GOLM2: variants seen among roughly 807,000 people sequenced by gnomAD.
GOLM2 encodes protein GOLM2.
In GOLM2, 26 loss-of-function variants were observed where a neutral mutation model predicts 55.9. The observed-to-expected ratio is 0.47, with a 90% confidence interval of 0.34 to 0.65. The LOEUF is 0.65. GOLM2 is among the 30% of genes least tolerant of loss of function. The pLI, the probability that GOLM2 is intolerant of heterozygous loss-of-function variation, is 0.01. For missense variants in GOLM2, 486 were observed against 531.8 expected, an observed-to-expected ratio of 0.91 and a Z score of 0.85; for synonymous variants, 165 against 194.6, an observed-to-expected ratio of 0.85 and a Z score of 1.27.
At chr15:44,299,845 C>T (rs1426797329) in intron 1 of GOLM2, among the ~76,000 whole-genome samples, 1 of 148,172 alleles carries the variant, frequency 6.7e-6, no homozygotes, top group African/African-American at 2.5e-5. Context: ...GTGGCTCATG[C>T]CTATAATCCC....
intron 6 of GOLM2, among the ~76,000 whole-genome samples, chr15:44,375,211 G>A (rs903513327): frequency 1.3e-5 from 2 of 151,932 alleles, no homozygotes; most frequent in Non-Finnish European, 2.9e-5. Context: ...AGTAGAGACG[G>A]GGTTTCGCCA....
intron 4 of GOLM2, 24 bp from the exon 5 acceptor site, chr15:44,337,739 T>A (rs2079066489): frequency 1.3e-6 from 2 of 1,541,770 alleles, no homozygotes; most frequent in Non-Finnish European, 1.7e-6. Flanking sequence ...CTGAAAAATA[T>A]TATTACCAAA....
At chr15:44,352,387 C>G (rs1482059548) in intron 6 of GOLM2, among the ~76,000 whole-genome samples, 2 of 152,130 alleles carry the variant, frequency 1.3e-5, no homozygotes, top group Non-Finnish European at 2.9e-5. Flanking sequence ...TCGAAACTAG[C>G]TCCCTGTCTC....
intron 8 of GOLM2, among the ~76,000 whole-genome samples, chr15:44,401,430 A>T (rs904052783): frequency 6.6e-6 from 1 of 151,936 alleles, no homozygotes; most frequent in Non-Finnish European, 1.5e-5. Context: ...ATACCCAGCT[A>T]ATTTTTGTAT....
intron 8 of GOLM2, chr15:44,387,245 C>T (rs765785045): frequency 6.6e-6 from 1 of 151,204 alleles, no homozygotes; most frequent in Non-Finnish European, 1.5e-5. Context: ...GAGAGCACTG[C>T]CATCTTAACA....
At chr15:44,362,482 C>T (rs1469217905) in intron 6 of GOLM2, among the ~76,000 whole-genome samples, 1 of 151,336 alleles carries the variant, frequency 6.6e-6, no homozygotes, top group South Asian at 2.1e-4. Context: ...ATCCAACTTA[C>T]AAGGGACGTG....
chr15:44,381,367 A>T lies in GOLM2; in HGVS notation c.1072+391A>T, dbSNP rs1456840482. On this transcript the variant is annotated intron_variant, in intron 8 of 9. Transcript: ENST00000299957. ...TGAAAAATGGAACATTCTGGGAGAA[A>T]CATACACTCTGGGGGATTGCCTTAG... 2.0e-5 allele frequency among the ~76,000 whole-genome samples: 3 copies of T among 152,338 alleles called. No homozygotes were observed. In the East Asian group the frequency reaches 5.8e-4, roughly 29 times the overall value.
rs1411189846 is a variant in GOLM2, at chr15:44,365,686, T to TAG, written c.803-13993_803-13992dup. Reference sequence around the variant, plus strand: ...AATTAGTAGTTGCAAGGGGATGGGGTAGAGAGAGAGAGGATGAATAGGCAG... The same window carrying TAG: ...AATTAGTAGTTGCAAGGGGATGGGGTAGAGAGAGAGAGAGGATGAATAGGCAG... On this transcript the variant is annotated intron_variant, in intron 6 of 9. Transcript: ENST00000299957. Among the ~76,000 whole-genome samples, 3 of 151,152 alleles carry TAG rather than the reference T, an allele frequency of 2.0e-5. No individual in the cohort carries two copies. In the East Asian group the frequency reaches 5.8e-4, roughly 29 times the overall value.
chr15:44,290,544 A>C (rs919482964), intron 1 of GOLM2, among the ~76,000 whole-genome samples: 26 of 152,148 alleles, frequency 1.7e-4, no homozygotes, highest in Admixed American at 1.6e-3. Context: ...TAACATAGAC[A>C]TGCTATGATA....
At chr15:44,388,977 G>A (rs568126322) in intron 8 of GOLM2, among the ~76,000 whole-genome samples, 1 of 151,862 alleles carries the variant, frequency 6.6e-6, no homozygotes, top group East Asian at 2.0e-4. Context: ...CACCACGCCC[G>A]GCTAATTTTT....
chr15:44,358,947 G>C (rs1300707381), intron 6 of GOLM2, among the ~76,000 whole-genome samples: 1 of 152,018 alleles, frequency 6.6e-6, no homozygotes, highest in Non-Finnish European at 1.5e-5. Flanking sequence ...ACGAGGTCAG[G>C]AGATCGAGAC....
At chr15:44,379,831 C>T in intron 7 of GOLM2, 43 bp downstream of exon 7, 2 of 1,118,348 alleles carry the variant, frequency 1.8e-6, no homozygotes, top group Non-Finnish European at 1.4e-6. Context: ...AACCAACTTA[C>T]TAGTCATGTA....
At chr15:44,318,205 G>A (rs1017785843) in intron 1 of GOLM2, among the ~76,000 whole-genome samples, 1 of 151,820 alleles carries the variant, frequency 6.6e-6, no homozygotes, top group Admixed American at 6.6e-5. Flanking sequence ...ATCTTCTTTT[G>A]ATTTTTTCCT....
At position 44,369,067 on chromosome 15, in the gene GOLM2, T is replaced by TTTTATATATA. The variant is rs1491095871; in HGVS notation, c.803-10622_803-10621insTTATATATAT. Among the ~76,000 whole-genome samples the TTTTATATATA allele has an allele frequency of 6.5e-4, 15 of 22,978 alleles. 1 individual carries two copies. The highest frequency in any genetic ancestry group is 3.4e-3 in the East Asian group (2 of 590). The allele number at this position is 22,978 out of a possible 152,430, so 15.1% of individuals were successfully genotyped here. A position where few individuals can be genotyped will look rare whatever the true frequency, so the allele number is the denominator to read the frequency against. ...AGATATATACATATAATAGGATATATTATATATATATATATATATATATAT... is the reference window on the plus strand; with the variant it reads ...AGATATATACATATAATAGGATATATTTTATATATATATATATATATATATATATATATAT... On this transcript the variant is annotated intron_variant, in intron 6 of 9. Coordinates refer to ENST00000299957, the MANE Select transcript of GOLM2 (RefSeq NM_138423.4).
chr15:44,319,617 C>T (rs542904288), intron 1 of GOLM2, among the ~76,000 whole-genome samples: 12 of 152,144 alleles, frequency 7.9e-5, no homozygotes, highest in East Asian at 1.9e-4. Context: ...GACAGGGTCT[C>T]GCTCTGCCAC....
rs1595607154 is a variant in GOLM2, at chr15:44,288,781, C to T, written c.-249C>T. 1 of 525,816 alleles carries T rather than the reference C, an allele frequency of 1.9e-6. No individual in the cohort carries two copies. The highest frequency in any genetic ancestry group is 2.5e-5 in the South Asian group (1 of 39,320). 32.6% of individuals were successfully genotyped at this position (525,816 alleles called of 1,614,324 possible). ...GCTGGCAGCTGGGTTCTCCCGGTTC[C>T]CTTGGGCAGGTGCAGGGTCGGGTTC... On this transcript the variant is annotated 5_prime_UTR_variant, in exon 1 of 10. Coordinates refer to ENST00000299957, the MANE Select transcript of GOLM2 (RefSeq NM_138423.4).
chr15:44,342,522 C>T (rs1205311434), intron 6 of GOLM2, among the ~76,000 whole-genome samples: 1 of 152,202 alleles, frequency 6.6e-6, no homozygotes, highest in Non-Finnish European at 1.5e-5. Context: ...CCACCTTAGC[C>T]TCCCAAAGCA....
chr15:44,375,022 A>AT (rs2079354625), intron 6 of GOLM2, among the ~76,000 whole-genome samples: 1 of 151,886 alleles, frequency 6.6e-6, no homozygotes, highest in African/African-American at 2.4e-5. Context: ...ATTTATATTT[A>AT]TTTATTTATT....
At chr15:44,358,281 G>C (rs1042837325) in intron 6 of GOLM2, among the ~76,000 whole-genome samples, 1 of 152,206 alleles carries the variant, frequency 6.6e-6, no homozygotes, top group African/African-American at 2.4e-5. Context: ...TTGAACCCAG[G>C]AGGCGGAGGT....
Sources: allele counts gnomAD v4.1 joint callset (sites outside exome capture counted in the v4.1 genomes callset), GRCh38; gene constraint gnomAD v4.1.1; transcripts MANE v1.5; gene names NCBI Gene and HGNC (gene_info 2026-07-23, HGNC 2026-07-21).